Variants in SLC35B4 observed in about 807,000 individuals in gnomAD.
The protein encoded by SLC35B4 is nucleotide sugar transporter SLC35B4.
Under a neutral mutation model 39.5 loss-of-function variants are expected in SLC35B4, and 28 were observed. That is an observed-to-expected ratio of 0.71 (90% CI 0.53 to 0.97). The LOEUF is 0.97. Ranked by LOEUF, SLC35B4 falls within the 50% of genes least tolerant of loss-of-function variation. SLC35B4 has a pLI of 0.00. For missense variants in SLC35B4, 334 were observed against 414.3 expected (o/e 0.81, Z 1.68); for synonymous variants, 145 against 150.4 (o/e 0.96, Z 0.26).
chr7:134,294,476 C>T lies in SLC35B4; in HGVS notation c.*357G>A, dbSNP rs963223842. On this transcript the variant is annotated 3_prime_UTR_variant, in exon 10 of 10. Transcript: ENST00000378509. ...CTGCTGTAGCAGAGATGCATTACAA[C>T]AGCAAGAGAAGGGACAATCTTTTCC... 2 of 215,370 alleles carry T rather than the reference C, an allele frequency of 9.3e-6. No homozygotes were observed. The highest frequency in any genetic ancestry group is 1.0e-4 in the Admixed American group (2 of 19,770). 13.3% of individuals were successfully genotyped at this position (215,370 alleles called of 1,614,324 possible).
chr7:134,307,901 T>C (rs1469474292), intron 2 of SLC35B4, among the ~76,000 whole-genome samples: 23 of 152,234 alleles, frequency 1.5e-4, no homozygotes, highest in Admixed American at 1.5e-3. Flanking sequence ...TTCTAAATAA[T>C]ATACTATCAG....
upstream of SLC35B4, among the ~76,000 whole-genome samples, chr7:134,318,476 C>T (rs989040119): frequency 1.1e-4 from 17 of 149,818 alleles, no homozygotes; most frequent in African/African-American, 3.4e-4. Context: ...TACACACACA[C>T]ATATATATAT....
upstream of SLC35B4, among the ~76,000 whole-genome samples, chr7:134,318,434 A>T (rs1643030): frequency 0.11 from 16,961 of 151,574 alleles, 2,488 homozygotes; most frequent in African/African-American, 0.33. Context: ...ATATACACGT[A>T]TATATACCAG....
At position 134,300,238 on chromosome 7, in the gene SLC35B4, G is replaced by A. The variant is rs757635711; in HGVS notation, c.511C>T (p.Leu171Phe). The A allele has an allele frequency of 6.2e-7, 1 of 1,611,714 alleles. No individual in the cohort carries two copies. Residue 171 changes from leucine to phenylalanine, a missense_variant, in exon 7 of 10, where the codon CTT becomes TTT. Coordinates refer to ENST00000378509, the MANE Select transcript of SLC35B4 (RefSeq NM_032826.5). Reference protein sequence around the residue: ...LLGIGALTFALLMSARMGIFQ... With the variant: ...LLGIGALTFAFLMSARMGIFQ... The stretch of plus-strand genomic sequence containing the variant: ...ATCCCCATCCTTGCTGACATCAGAA[G>A]AGCAAAAGTCAATGCCCCAATACCT...
chr7:134,302,508 G>A (rs988427833), intron 4 of SLC35B4, among the ~76,000 whole-genome samples: 12 of 152,150 alleles, frequency 7.9e-5, no homozygotes, highest in South Asian at 2.1e-4. Context: ...CACACTGTGC[G>A]AGTGGAAAAA....
chr7:134,292,419 GC>G lies in SLC35B4; in HGVS notation c.*2413del, dbSNP rs1333769668. 2.0e-5 allele frequency: 3 copies of G among 152,152 alleles called. No individual in the cohort carries two copies. The highest frequency in any genetic ancestry group is 4.4e-5 in the Non-Finnish European group (3 of 68,082). The allele number at this position is 152,152 out of a possible 1,614,324, so 9.4% of individuals were successfully genotyped here. On this transcript the variant is annotated 3_prime_UTR_variant, in exon 10 of 10. Transcript: ENST00000378509. ...AGTGTTCTAATCTAATCTATTCCCT[GC>G]CCATACATAGCCTCCTATTCATAAG...
At chr7:134,317,821 A>T (rs578150574), upstream of SLC35B4, among the ~76,000 whole-genome samples, 151 of 148,854 alleles carry the variant, frequency 1.0e-3, 1 homozygote, top group African/African-American at 3.7e-3. Context: ...CTTTATTTGT[A>T]AAATAGGTAT....
chr7:134,296,642 A>G (rs1361458744), intron 8 of SLC35B4, among the ~76,000 whole-genome samples, 176 bp from the exon 9 acceptor site: 1 of 152,218 alleles, frequency 6.6e-6, no homozygotes, highest in Non-Finnish European at 1.5e-5. Flanking sequence ...AGCAGCCACT[A>G]AAGTCATTAA....
intron 2 of SLC35B4, among the ~76,000 whole-genome samples, chr7:134,307,726 T>G (rs181470820): frequency 1.3e-5 from 2 of 152,344 alleles, no homozygotes; most frequent in Non-Finnish European, 2.9e-5. Context: ...CACTGAGTCC[T>G]AAGTGATCTT....
chr7:134,301,913 T>TCC, intron 5 of SLC35B4, 92 bp from the exon 6 acceptor site: 3 of 1,493,774 alleles, frequency 2.0e-6, no homozygotes, highest in Non-Finnish European at 2.8e-6. Flanking sequence ...CCCATTTCCC[T>TCC]CCCCTCTTCT....
At chr7:134,308,106 CACATAGG>C (rs941758409) in intron 2 of SLC35B4, among the ~76,000 whole-genome samples, 17 of 152,102 alleles carry the variant, frequency 1.1e-4, no homozygotes, top group Admixed American at 9.8e-4. Flanking sequence ...ATGGCCAACA[CACATAGG>C]ACATGCATGA....
intron 1 of SLC35B4, among the ~76,000 whole-genome samples, chr7:134,311,333 C>T (rs78612244): frequency 6.6e-6 from 1 of 152,126 alleles, no homozygotes; most frequent in Non-Finnish European, 1.5e-5. Flanking sequence ...GGAACTCGGG[C>T]CAGCCTACTC....
At position 134,289,995 on chromosome 7, in the gene SLC35B4, G is replaced by T; in HGVS notation, c.*4838C>A. The T allele has an allele frequency of 6.6e-6, 1 of 152,170 alleles. No homozygotes were observed. Among genetic ancestry groups the T allele is most frequent in the East Asian group, 1.9e-4 (1 of 5,188 alleles). 9.4% of individuals were successfully genotyped at this position (152,170 alleles called of 1,614,324 possible). On this transcript the variant is annotated 3_prime_UTR_variant, in exon 10 of 10. Coordinates refer to ENST00000378509, the MANE Select transcript of SLC35B4 (RefSeq NM_032826.5). ...GTATGATACTGAGATCAGACCAACAGACAGTGATCTCCAGGCATCAGCTTC... is the reference window on the plus strand; with the variant it reads ...GTATGATACTGAGATCAGACCAACATACAGTGATCTCCAGGCATCAGCTTC...
rs1004077839 is a variant in SLC35B4, at chr7:134,295,036, C to T, written c.793G>A (p.Ala265Thr). ...RGVFILTTEC[A>T]SLTVTLVVTL... ...ACGACGAGCGTGACGGTGAGGGAGG[C>T]GCATTCTGTGGTGAGGATAAACACA... The change falls in exon 10 of 10, where the codon GCC becomes ACC. Residue 265 changes from alanine (A) to threonine (T), a missense_variant. Ala to Thr is a moderately conservative substitution (Grantham distance 58). Coordinates refer to ENST00000378509, the MANE Select transcript of SLC35B4 (RefSeq NM_032826.5). The T allele has an allele frequency of 7.4e-6, 12 of 1,613,992 alleles. No individual in the cohort carries two copies. The African/African-American group carries it at 8.0e-5, about 11-fold the overall frequency.
chr7:134,303,562 G>C (rs1382881220), intron 4 of SLC35B4, among the ~76,000 whole-genome samples: 2 of 151,948 alleles, frequency 1.3e-5, no homozygotes, highest in Non-Finnish European at 2.9e-5. Context: ...GGAGATAAAC[G>C]GTCCATGATA....
chr7:134,313,714 T>C (rs1265354954), intron 1 of SLC35B4, among the ~76,000 whole-genome samples: 1 of 152,244 alleles, frequency 6.6e-6, no homozygotes, highest in Non-Finnish European at 1.5e-5. Flanking sequence ...TATTTAGTGT[T>C]ATACTTGCTA....
intron 3 of SLC35B4, among the ~76,000 whole-genome samples, chr7:134,305,254 T>C (rs1445410304): frequency 6.6e-6 from 1 of 151,816 alleles, no homozygotes; most frequent in East Asian, 1.9e-4. Context: ...ACCCGGGAAG[T>C]GGAGGTTGCA....
At chr7:134,301,624 A>C (rs1052212928) in intron 6 of SLC35B4, 137 bp downstream of exon 6, 1 of 768,274 alleles carries the variant, frequency 1.3e-6, no homozygotes, top group African/African-American at 1.7e-5. Context: ...GCTCAGAGAA[A>C]TATGATCCCA....
chr7:134,290,053 G>A lies in SLC35B4; in HGVS notation c.*4780C>T, dbSNP rs1803300354. On this transcript the variant is annotated 3_prime_UTR_variant, in exon 10 of 10. Coordinates refer to ENST00000378509, the MANE Select transcript of SLC35B4 (RefSeq NM_032826.5). ...ACAAGCTAACTGTACCAACTATGGA[G>A]ATGTAAGGGTGGGGCTGGTCACCCC... The A allele has an allele frequency of 6.6e-6, 1 of 152,180 alleles. No individual in the cohort carries two copies. The highest frequency in any genetic ancestry group is 2.4e-5 in the African/African-American group (1 of 41,446). The allele number at this position is 152,180 out of a possible 1,614,324, so 9.4% of individuals were successfully genotyped here. A position where few individuals can be genotyped will look rare whatever the true frequency, so the allele number is the denominator to read the frequency against.
Sources: gnomAD v4.1 joint callset for allele counts (sites outside exome capture counted in the v4.1 genomes callset) on GRCh38, gnomAD v4.1.1 for gene constraint, MANE v1.5 for transcripts, NCBI Gene and HGNC (gene_info 2026-07-23, HGNC 2026-07-21) for gene names.